Variants in TTLL5 observed in about 807,000 individuals in gnomAD.
TTLL5 encodes the protein tubulin polyglutamylase TTLL5.
Under a neutral mutation model 168.4 loss-of-function variants are expected in TTLL5, and 132 were observed. The observed-to-expected ratio is 0.78, with a 90% CI of 0.68 to 0.91. The LOEUF (loss-of-function observed/expected upper bound fraction) is 0.91. Among genes scored for constraint, TTLL5 ranks in the 40% least tolerant of loss-of-function variants. The pLI, the probability that TTLL5 is intolerant of heterozygous loss-of-function variation, is 0.00. For synonymous variants in TTLL5, 546 were observed against 558.6 expected, an observed-to-expected ratio of 0.98 and a Z score of 0.32; for missense variants, 1,545 against 1,581.5, an observed-to-expected ratio of 0.98 and a Z score of 0.39.
At position 75,669,384 on chromosome 14, in the gene TTLL5, G is replaced by A. The variant is rs558091390; in HGVS notation, c.75-32G>A. On this transcript the variant is annotated intron_variant, in intron 2 of 31. Transcript: ENST00000298832. ...CAGCAGTTAGTTCAGGTTTTGAGCTGTAAATTAATGAAGGCTTTTTTGTCG... is the reference window on the plus strand; with the variant it reads ...CAGCAGTTAGTTCAGGTTTTGAGCTATAAATTAATGAAGGCTTTTTTGTCG... The A allele has an allele frequency of 1.6e-5, 25 of 1,593,180 alleles. No homozygotes were observed. In the South Asian group the frequency reaches 1.7e-4, roughly 11 times the overall value.
chr14:75,867,192 G>C (rs1360519425), intron 29 of TTLL5, among the ~76,000 whole-genome samples: 1 of 152,148 alleles, frequency 6.6e-6, no homozygotes, highest in African/African-American at 2.4e-5. Flanking sequence ...GAGTGTGGCG[G>C]TCTTTCAACA....
At chr14:75,821,428 T>G (rs530495144) in intron 28 of TTLL5, among the ~76,000 whole-genome samples, 17 of 152,216 alleles carry the variant, frequency 1.1e-4, no homozygotes, top group Non-Finnish European at 2.2e-4. Flanking sequence ...ATAAAAAAAT[T>G]TCCAGATATT....
intron 7 of TTLL5, among the ~76,000 whole-genome samples, chr14:75,700,770 TCAGA>T (rs1428501085): frequency 2.0e-5 from 3 of 152,218 alleles, no homozygotes; most frequent in African/African-American, 7.2e-5. Flanking sequence ...CCTTATGCCC[TCAGA>T]CAAATTCTTT....
intron 3 of TTLL5, among the ~76,000 whole-genome samples, chr14:75,671,624 A>C (rs1043285971): frequency 3.9e-5 from 6 of 152,030 alleles, no homozygotes; most frequent in Non-Finnish European, 1.5e-5. Context: ...TTTATTCCTA[A>C]ATATTTTATT....
At chr14:75,826,161 C>T (rs1349433969) in intron 28 of TTLL5, among the ~76,000 whole-genome samples, 2 of 152,118 alleles carry the variant, frequency 1.3e-5, no homozygotes, top group African/African-American at 4.8e-5. Flanking sequence ...ATCCACAAGT[C>T]AGAATAAAGC....
At chr14:75,900,748 A>G (rs2032889055) in intron 30 of TTLL5, among the ~76,000 whole-genome samples, 1 of 151,960 alleles carries the variant, frequency 6.6e-6, no homozygotes, top group African/African-American at 2.4e-5. Flanking sequence ...GCTAATGCCT[A>G]CCTCTCCTAA....
chr14:75,900,075 CT>C (rs2032855175), intron 30 of TTLL5, among the ~76,000 whole-genome samples: 1 of 151,934 alleles, frequency 6.6e-6, no homozygotes, highest in Non-Finnish European at 1.5e-5. Flanking sequence ...AAGAGCTTAT[CT>C]TAGGCCCTCC....
At chr14:75,698,829 C>T (rs1886049881) in intron 6 of TTLL5, among the ~76,000 whole-genome samples, 1 of 151,826 alleles carries the variant, frequency 6.6e-6, no homozygotes, top group African/African-American at 2.4e-5. Flanking sequence ...TGTTTGAGCC[C>T]CAGAGGTTGA....
intron 30 of TTLL5, among the ~76,000 whole-genome samples, chr14:75,889,644 A>G (rs1480014453): frequency 6.6e-6 from 1 of 152,066 alleles, no homozygotes; most frequent in Non-Finnish European, 1.5e-5. Flanking sequence ...CCGGGCCAAC[A>G]TGGCAAAACC....
intron 29 of TTLL5, 23 bp from the exon 30 acceptor site, chr14:75,882,661 AT>A: frequency 1.3e-6 from 2 of 1,594,794 alleles, no homozygotes. Context: ...TCCATCGATC[AT>A]TTTTTTCCTT....
rs753177274 is a variant in TTLL5 at position 75,904,208 on chromosome 14, A to G, written c.3823+1984A>G. ...TCTATTCACCTCACTCCTCCAAAAA[A>G]AAAAAAAAGGAAAGAAAAAAAGAAT... On this transcript the variant is annotated intron_variant, in intron 31 of 31. Transcript: ENST00000298832. The G allele has an allele frequency of 2.5e-6, 3 of 1,205,562 alleles. No individual in the cohort carries two copies. The South Asian group carries it at 4.5e-5, about 18-fold the overall frequency. 74.7% of individuals were successfully genotyped at this position (1,205,562 alleles called of 1,614,324 possible). A position where few individuals can be genotyped will look rare whatever the true frequency, so the allele number is the denominator to read the frequency against.
chr14:75,892,732 G>T (rs192906599), intron 30 of TTLL5, among the ~76,000 whole-genome samples: 4,242 of 152,228 alleles, frequency 0.028, 72 homozygotes, highest in Middle Eastern at 0.068. Flanking sequence ...AAACTGGCAT[G>T]AACCGACTAA....
At chr14:75,881,279 A>T (rs2031799103) in intron 29 of TTLL5, among the ~76,000 whole-genome samples, 1 of 152,150 alleles carries the variant, frequency 6.6e-6, no homozygotes, top group African/African-American at 2.4e-5. Flanking sequence ...TTTCTCCCTC[A>T]GGTGGTTTAC....
intron 5 of TTLL5, among the ~76,000 whole-genome samples, chr14:75,688,243 G>C (rs1885209608): frequency 6.6e-6 from 1 of 152,100 alleles, no homozygotes; most frequent in Non-Finnish European, 1.5e-5. Context: ...AGGGAAGAGG[G>C]GCTGAAAGTT....
chr14:75,952,453 C>T (rs898289661), intron 31 of TTLL5, among the ~76,000 whole-genome samples: 1 of 152,248 alleles, frequency 6.6e-6, no homozygotes, highest in Admixed American at 6.5e-5. Context: ...AACAGTTTGA[C>T]AGTTCCTTAA....
intron 5 of TTLL5, among the ~76,000 whole-genome samples, chr14:75,687,823 G>A (rs1885178896): frequency 6.6e-6 from 1 of 152,140 alleles, no homozygotes; most frequent in African/African-American, 2.4e-5. Context: ...AATAAAAGAG[G>A]CTCGTGAAAA....
At chr14:75,697,648 A>C (rs1885965573) in intron 6 of TTLL5, among the ~76,000 whole-genome samples, 1 of 152,176 alleles carries the variant, frequency 6.6e-6, no homozygotes, top group Non-Finnish European at 1.5e-5. Flanking sequence ...AAAGGAGCTG[A>C]GCCTAGAGAG....
intron 21 of TTLL5, among the ~76,000 whole-genome samples, chr14:75,774,173 TTTA>T (rs769454044): frequency 3.3e-5 from 5 of 151,998 alleles, no homozygotes; most frequent in Non-Finnish European, 5.9e-5. Flanking sequence ...TGAAGGCAGT[TTTA>T]TTGTGGTTTT....
At chr14:75,763,255 C>CTCTGTGTGTGTGTGTG (rs1461607432) in intron 18 of TTLL5, among the ~76,000 whole-genome samples, 1 of 58,516 alleles carries the variant, frequency 1.7e-5, no homozygotes, top group Admixed American at 2.0e-4. Context: ...AGCTCTCTCT[C>CTCTGTGTGTGTGTGTG]TGTGTGTGTG....
Sources: allele counts gnomAD v4.1 joint callset (sites outside exome capture counted in the v4.1 genomes callset), GRCh38; gene constraint gnomAD v4.1.1; transcripts MANE v1.5; gene names NCBI Gene and HGNC (gene_info 2026-07-23, HGNC 2026-07-21).